Variants in PIKFYVE observed in about 807,000 individuals in gnomAD.
The protein encoded by PIKFYVE is 1-phosphatidylinositol 3-phosphate 5-kinase.
PIKFYVE carries 122 observed loss-of-function variants against 257.9 expected under a neutral mutation model. That is an observed-to-expected ratio of 0.47 (90% CI 0.41 to 0.55). The LOEUF is 0.55. Among genes scored for constraint, PIKFYVE ranks in the 20% least tolerant of loss-of-function variants. The pLI, the probability that PIKFYVE is intolerant of heterozygous loss-of-function variation, is 0.00. For missense variants in PIKFYVE, 2,160 were observed against 2,536.6 expected (o/e 0.85, Z 3.19); for synonymous variants, 892 against 868.9 (o/e 1.03, Z -0.47).
At chr2:208,324,078 A>G (rs1210083045) in intron 17 of PIKFYVE, 64 bp from the exon 18 acceptor site, 2 of 1,568,422 alleles carry the variant, frequency 1.3e-6, no homozygotes, top group South Asian at 2.2e-5. Context: ...CACTCTGATG[A>G]TATTTTAATA....
chr2:208,307,361 A>G (rs1055905413), intron 12 of PIKFYVE, among the ~76,000 whole-genome samples: 2 of 152,236 alleles, frequency 1.3e-5, no homozygotes, highest in Admixed American at 1.3e-4. Context: ...TTATCAGGAA[A>G]GAATACACAT....
chr2:208,329,948 C>G, intron 22 of PIKFYVE, 35 bp downstream of exon 22: 5 of 1,603,684 alleles, frequency 3.1e-6, no homozygotes, highest in Non-Finnish European at 4.3e-6. Context: ...TTCCATTACA[C>G]ATTTTTGATG....
At chr2:208,316,118 A>G (rs750330050) in intron 15 of PIKFYVE, among the ~76,000 whole-genome samples, 8 of 142,924 alleles carry the variant, frequency 5.6e-5, no homozygotes, top group Admixed American at 1.5e-4. Flanking sequence ...GAGTGAGAAC[A>G]TGTGGTGTTT....
chr2:208,292,600 T>C (rs1692457864), intron 7 of PIKFYVE, among the ~76,000 whole-genome samples: 1 of 152,154 alleles, frequency 6.6e-6, no homozygotes, highest in African/African-American at 2.4e-5. Context: ...AAAATTAATA[T>C]AGTTACTCCT....
chr2:208,276,558 A>G (rs1690131987), intron 3 of PIKFYVE, among the ~76,000 whole-genome samples, 154 bp from the exon 4 acceptor site: 1 of 152,206 alleles, frequency 6.6e-6, no homozygotes, highest in African/African-American at 2.4e-5. Context: ...TCTTACCCTT[A>G]TAAAGACTTG....
chr2:208,281,163 A>G (rs1690754528), intron 5 of PIKFYVE, among the ~76,000 whole-genome samples: 1 of 152,234 alleles, frequency 6.6e-6, no homozygotes, highest in South Asian at 2.1e-4. Flanking sequence ...CTTACATGGT[A>G]AAACTACTTT....
chr2:208,350,273 T>G (rs1699655764), intron 36 of PIKFYVE, among the ~76,000 whole-genome samples, 190 bp downstream of exon 36: 1 of 152,106 alleles, frequency 6.6e-6, no homozygotes, highest in African/African-American at 2.4e-5. Flanking sequence ...ATAAAGAAAT[T>G]TAATCAAAAG....
intron 6 of PIKFYVE, among the ~76,000 whole-genome samples, chr2:208,286,713 G>T (rs1482072357): frequency 6.6e-6 from 1 of 151,140 alleles, no homozygotes; most frequent in African/African-American, 2.4e-5. Flanking sequence ...AAGAGATGGG[G>T]TCTTGCCATG....
intron 32 of PIKFYVE, among the ~76,000 whole-genome samples, chr2:208,344,199 G>A (rs1699012432): frequency 6.6e-6 from 1 of 152,020 alleles, no homozygotes; most frequent in Non-Finnish European, 1.5e-5. Context: ...TTTCCCACTG[G>A]AAGGCATTAC....
chr2:208,342,501 ATTC>A, intron 31 of PIKFYVE, 50 bp from the exon 32 acceptor site: 1 of 1,358,600 alleles, frequency 7.4e-7, no homozygotes, highest in South Asian at 1.2e-5. Flanking sequence ...TCTTAATTAT[ATTC>A]TTAACTCTAG....
chr2:208,320,619 G>A (rs976021990), intron 17 of PIKFYVE, among the ~76,000 whole-genome samples: 1 of 152,194 alleles, frequency 6.6e-6, no homozygotes, highest in African/African-American at 2.4e-5. Context: ...CTGATTTACT[G>A]TGGGAATTTC....
intron 39 of PIKFYVE, among the ~76,000 whole-genome samples, chr2:208,353,247 A>T (rs1218924459): frequency 6.6e-6 from 1 of 152,222 alleles, no homozygotes; most frequent in Non-Finnish European, 1.5e-5. Context: ...CTTCATTGAG[A>T]ACACCTTCTA....
At chr2:208,339,700 G>C (rs924365573) in intron 30 of PIKFYVE, 145 bp downstream of exon 30, 7 of 1,175,338 alleles carry the variant, frequency 6.0e-6, no homozygotes, top group Non-Finnish European at 8.7e-6. Flanking sequence ...TGTTTAGGTG[G>C]TAACTACTTA....
At chr2:208,335,935 TAATTATTGATTAAA>T (rs774640221) in intron 26 of PIKFYVE, 34 bp downstream of exon 26, 73 of 1,582,740 alleles carry the variant, frequency 4.6e-5, no homozygotes, top group African/African-American at 1.5e-4. Context: ...ATTCAAAAGT[TAATTATTGATTAAA>T]AATTATTGAT....
At chr2:208,318,350 T>C (rs567746215) in intron 16 of PIKFYVE, among the ~76,000 whole-genome samples, 1 of 152,290 alleles carries the variant, frequency 6.6e-6, no homozygotes, top group South Asian at 2.1e-4. Context: ...TCTTCTGTTA[T>C]CCTTCTCACC....
rs1311329365 is a variant in PIKFYVE at position 208,336,210 on chromosome 2, T to C, written c.4520+10T>C. On this transcript the variant is annotated intron_variant, in intron 27 of 41. Coordinates refer to ENST00000264380, the MANE Select transcript of PIKFYVE (RefSeq NM_015040.4). Reference sequence around the variant, plus strand: ...AAGCTTGGAATAACAGGTGTGATTTTGCAGTCTGGTTTTCTTTAATATTAT... The same window carrying C: ...AAGCTTGGAATAACAGGTGTGATTTCGCAGTCTGGTTTTCTTTAATATTAT... 6.2e-7 allele frequency: 1 copy of C among 1,614,008 alleles called. No homozygotes were observed. Among genetic ancestry groups the C allele is most frequent in the East Asian group, 2.2e-5 (1 of 44,856 alleles).
chr2:208,294,198 A>G (rs1298830429), intron 7 of PIKFYVE, among the ~76,000 whole-genome samples: 1 of 152,202 alleles, frequency 6.6e-6, no homozygotes. Flanking sequence ...CTAGTCTACT[A>G]AGAGTCCATC....
intron 1 of PIKFYVE, among the ~76,000 whole-genome samples, chr2:208,270,196 C>A (rs1260833470): frequency 6.6e-6 from 1 of 151,902 alleles, no homozygotes; most frequent in East Asian, 1.9e-4. Flanking sequence ...TACCCGCCAC[C>A]ATGTCCAGCT....
chr2:208,345,077 T>C, intron 32 of PIKFYVE, 34 bp from the exon 33 acceptor site: 1 of 1,377,100 alleles, frequency 7.3e-7, no homozygotes, highest in Non-Finnish European at 1.0e-6. Flanking sequence ...AAGAAGTTAA[T>C]GTTTAACGTT....
Sources: allele counts gnomAD v4.1 joint callset (sites outside exome capture counted in the v4.1 genomes callset), GRCh38; gene constraint gnomAD v4.1.1; transcripts MANE v1.5; gene names NCBI Gene and HGNC (gene_info 2026-07-23, HGNC 2026-07-21).